The following TRPM3 variants were observed in gnomAD, a reference collection of about 807,000 sequenced individuals.
TRPM3 encodes long transient receptor potential channel 3.
TRPM3 carries 77 observed loss-of-function variants against 181.2 expected under a neutral mutation model. The observed-to-expected ratio is 0.42, with a 90% CI of 0.35 to 0.51. The LOEUF (loss-of-function observed/expected upper bound fraction) is 0.51. TRPM3 is among the 20% of genes least tolerant of loss of function. The pLI is 0.01. For synonymous variants in TRPM3, 745 were observed against 796.4 expected, an observed-to-expected ratio of 0.94 and a Z score of 1.09; for missense variants, 1,759 against 2,196.7, an observed-to-expected ratio of 0.80 and a Z score of 3.98.
At position 71,287,700 on chromosome 9, in the gene TRPM3, A is replaced by G. The variant is rs185834833; in HGVS notation, c.183+158953T>C. ...CAATTGATATACAGCCATGCACTGT[A>G]TATATCAATTGAATAAGATATTTTG... On this transcript the variant is annotated intron_variant, in intron 1 of 24. Transcript: ENST00000357533. Among the ~76,000 whole-genome samples the G allele has an allele frequency of 4.5e-4, 68 of 151,836 alleles. 1 individual carries two copies. In the East Asian group the frequency reaches 6.8e-3, roughly 15 times the overall value.
chr9:70,902,353 T>C (rs2096399048), intron 1 of TRPM3, among the ~76,000 whole-genome samples: 1 of 152,226 alleles, frequency 6.6e-6, no homozygotes, highest in Non-Finnish European at 1.5e-5. Context: ...GGATTTGGGA[T>C]GCCTCATTTC....
At chr9:71,375,807 CA>C (rs1440259206) in intron 1 of TRPM3, among the ~76,000 whole-genome samples, 2 of 152,124 alleles carry the variant, frequency 1.3e-5, no homozygotes, top group Admixed American at 1.3e-4. Flanking sequence ...TACAACTCAC[CA>C]ATGGCTCAGA....
At chr9:70,688,862 T>C (rs1275196455) in intron 8 of TRPM3, among the ~76,000 whole-genome samples, 1 of 152,168 alleles carries the variant, frequency 6.6e-6, no homozygotes, top group Middle Eastern at 3.2e-3. Context: ...GCTTAAGGCA[T>C]TCCAGGATGC....
chr9:70,843,113 C>T lies in TRPM3; in HGVS notation c.691G>A (p.Val231Ile). ...GGVNTGVIRHVGDALKDHASK... is the reference protein window; with the variant it reads ...GGVNTGVIRHIGDALKDHASK... ...GCATGATCCTTCAAGGCATCGCCAA[C>T]ATGACGAATAACACCTAAAAAAAAA... The change falls in exon 5 of 26, where the codon GTT (valine) becomes ATT (isoleucine). Residue 231 changes from valine (V) to isoleucine (I), a missense_variant. Physicochemically the swap from Val to Ile is conservative, Grantham distance 29. This residue lies in a region of TRPM3 where 737 missense variants were observed against 957.4 expected (regional missense o/e 0.77). Transcript: ENST00000677713. 6.3e-7 allele frequency: 1 copy of T among 1,590,190 alleles called. No individual in the cohort carries two copies.
intron 1 of TRPM3, among the ~76,000 whole-genome samples, chr9:70,970,788 G>A (rs1252795126): frequency 2.0e-5 from 3 of 152,094 alleles, no homozygotes; most frequent in Non-Finnish European, 4.4e-5. Context: ...ACTGGCACTT[G>A]GGAAACATCA....
chr9:71,255,565 T>TA (rs2082621871), intron 1 of TRPM3, among the ~76,000 whole-genome samples: 1 of 152,136 alleles, frequency 6.6e-6, no homozygotes. Flanking sequence ...AAATGTAAGG[T>TA]AAAAAAGAGA....
At chr9:70,805,402 C>A (rs1189754765) in intron 6 of TRPM3, among the ~76,000 whole-genome samples, 1 of 151,408 alleles carries the variant, frequency 6.6e-6, no homozygotes, top group Non-Finnish European at 1.5e-5. Context: ...GGCATAGTGG[C>A]GGGCGCCTGT....
chr9:71,225,803 C>T (rs7029110), intron 1 of TRPM3, among the ~76,000 whole-genome samples: 60,992 of 151,110 alleles, frequency 0.4, 13,120 homozygotes, highest in East Asian at 0.52. Flanking sequence ...ATTACAGGCA[C>T]CCACCACCAT....
chr9:71,283,004 CTT>C (rs774080376), intron 1 of TRPM3, among the ~76,000 whole-genome samples: 17 of 152,262 alleles, frequency 1.1e-4, no homozygotes, highest in Non-Finnish European at 1.8e-4. Context: ...ATCCTTCACT[CTT>C]ATTCCTTTCT....
chr9:70,888,878 G>T (rs776814372), intron 1 of TRPM3, among the ~76,000 whole-genome samples: 1 of 152,126 alleles, frequency 6.6e-6, no homozygotes, highest in African/African-American at 2.4e-5. Flanking sequence ...CATTTATCTC[G>T]ATTTCTCTCA....
At chr9:71,027,109 A>G (rs2056649559) in intron 1 of TRPM3, among the ~76,000 whole-genome samples, 1 of 152,156 alleles carries the variant, frequency 6.6e-6, no homozygotes, top group South Asian at 2.1e-4. Flanking sequence ...CAGCCCCTCC[A>G]GTGCAGAAGG....
intron 1 of TRPM3, among the ~76,000 whole-genome samples, chr9:71,066,670 CTGTTAAT>C (rs1175031218): frequency 1.3e-5 from 2 of 152,146 alleles, no homozygotes; most frequent in African/African-American, 4.8e-5. Context: ...AAGATGTACA[CTGTTAAT>C]TACTGCTGAC....
At position 71,039,288 on chromosome 9, in the gene TRPM3, T is replaced by A. The variant is rs929852445; in HGVS notation, c.177+81890A>T. ...GCTTTCTCATGTGCAGAATCAAGAATTCAAAACTACTATACAGAAGGCTAC... is the reference window on the plus strand; with the variant it reads ...GCTTTCTCATGTGCAGAATCAAGAAATCAAAACTACTATACAGAAGGCTAC... On this transcript the variant is annotated intron_variant, in intron 1 of 25. Coordinates refer to ENST00000677713, the MANE Select transcript of TRPM3 (RefSeq NM_001366145.2). Among the ~76,000 whole-genome samples, 11 of 152,124 alleles carry A rather than the reference T, an allele frequency of 7.2e-5. No individual in the cohort carries two copies. In the South Asian group the frequency reaches 2.3e-3, roughly 32 times the overall value.
chr9:71,253,094 G>C (rs1012254269), intron 1 of TRPM3, among the ~76,000 whole-genome samples: 1 of 152,036 alleles, frequency 6.6e-6, no homozygotes, highest in Non-Finnish European at 1.5e-5. Context: ...AATTACATTT[G>C]AAACTAGAGA....
In TRPM3 at chr9:70,624,946, T is replaced by TA. The variant is rs570570890; in HGVS notation, c.1809+244dup. On this transcript the variant is annotated intron_variant, in intron 14 of 25. Transcript: ENST00000677713. ...CACCAATAGGTAGAATTCCCATAGA[T>TA]AAAAGCTCCTTGAGGTTCTCAACAA... 4.6e-3 allele frequency among the ~76,000 whole-genome samples: 708 copies of TA among 152,320 alleles called. 4 individuals carry two copies. The highest frequency in any genetic ancestry group is 0.016 in the African/African-American group (650 of 41,572).
intron 1 of TRPM3, among the ~76,000 whole-genome samples, chr9:71,332,436 A>T (rs2090273755): frequency 1.3e-5 from 2 of 150,192 alleles, no homozygotes; most frequent in African/African-American, 4.9e-5. Flanking sequence ...TCTTTGCTCC[A>T]GTGAAATCTA....
chr9:71,112,727 A>G (rs1279481660), intron 1 of TRPM3, among the ~76,000 whole-genome samples: 1 of 152,218 alleles, frequency 6.6e-6, no homozygotes, highest in Non-Finnish European at 1.5e-5. Context: ...ATGAGTTGGA[A>G]GAGCTAATAA....
At chr9:71,068,247 C>T (rs534386188) in intron 1 of TRPM3, among the ~76,000 whole-genome samples, 18 of 152,324 alleles carry the variant, frequency 1.2e-4, no homozygotes, top group Admixed American at 7.2e-4. Context: ...CTTGCACATA[C>T]TTTCAATTCT....
intron 1 of TRPM3, among the ~76,000 whole-genome samples, chr9:71,044,250 C>T (rs2133026210): frequency 6.6e-6 from 1 of 152,222 alleles, no homozygotes; most frequent in Non-Finnish European, 1.5e-5. Flanking sequence ...CTCTATGTTC[C>T]ATGGACTCTT....
Sources: gnomAD v4.1 joint callset for allele counts (sites outside exome capture counted in the v4.1 genomes callset) on GRCh38, gnomAD v4.1.1 for gene constraint, gnomAD v4.1.1 regional missense constraint, MANE v1.5 for transcripts, NCBI Gene and HGNC (gene_info 2026-07-23, HGNC 2026-07-21) for gene names.